ENTREP2: variants seen among roughly 807,000 people sequenced by gnomAD.
The protein encoded by ENTREP2 is endosomal transmembrane epsin interactor 2, also known as protein ENTREP2.
chr15:29,336,141 CA>C, the ENTREP2 span, among the ~76,000 whole-genome samples: 119 of 77,560 alleles, frequency 1.5e-3, 1 homozygote, highest in East Asian at 3.5e-3. Context: ...GACTCCGTCT[CA>C]AAAAAAAAAA....
chr15:29,660,967 C>A, the ENTREP2 span, among the ~76,000 whole-genome samples: 3 of 152,170 alleles, frequency 2.0e-5, no homozygotes, highest in South Asian at 2.1e-4. Context: ...GTCCTGGAAC[C>A]AATCCCCCTC....
the ENTREP2 span, among the ~76,000 whole-genome samples, chr15:29,339,220 C>A: frequency 6.6e-6 from 1 of 152,240 alleles, no homozygotes; most frequent in African/African-American, 2.4e-5. Flanking sequence ...GGCTTTGATG[C>A]CATGGGAGAG....
chr15:29,373,915 A>G, the ENTREP2 span: 1 of 152,244 alleles, frequency 6.6e-6, no homozygotes, highest in Non-Finnish European at 1.5e-5. Flanking sequence ...AGAAAAAAAA[A>G]GGCAGGTTAC....
chr15:29,610,667 C>T, the ENTREP2 span: 1 of 150,294 alleles, frequency 6.7e-6, no homozygotes. Flanking sequence ...CTCCGCAGCT[C>T]ATGGCAAAGA....
chr15:29,671,834 G>A, the ENTREP2 span, among the ~76,000 whole-genome samples: 1 of 152,176 alleles, frequency 6.6e-6, no homozygotes, highest in Non-Finnish European at 1.5e-5. Flanking sequence ...GAGAGGCTGT[G>A]ATCCCCATCA....
the ENTREP2 span, among the ~76,000 whole-genome samples, chr15:29,326,641 C>A: frequency 6.6e-6 from 1 of 152,078 alleles, no homozygotes; most frequent in Non-Finnish European, 1.5e-5. Context: ...CAATTCTTCT[C>A]AACTAGATCT....
the ENTREP2 span, among the ~76,000 whole-genome samples, chr15:29,562,257 G>T: frequency 6.6e-6 from 1 of 152,254 alleles, no homozygotes; most frequent in Non-Finnish European, 1.5e-5. Context: ...ACTTGGTCAG[G>T]TGATGAAATT....
the ENTREP2 span, among the ~76,000 whole-genome samples, chr15:29,653,368 T>C: frequency 1.3e-5 from 2 of 152,220 alleles, no homozygotes; most frequent in East Asian, 3.8e-4. Flanking sequence ...GGATTCCTTT[T>C]TGTTGATTTA....
At chr15:29,526,280 A>G in the ENTREP2 span, among the ~76,000 whole-genome samples, 2 of 152,284 alleles carry the variant, frequency 1.3e-5, no homozygotes, top group Admixed American at 6.5e-5. Context: ...CTCTTGTTAC[A>G]GGGAAAGTGT....
chr15:29,297,224 G>C, the ENTREP2 span, among the ~76,000 whole-genome samples: 1 of 152,100 alleles, frequency 6.6e-6, no homozygotes. Flanking sequence ...ATTCACTAGA[G>C]AATAAGTTTC....
chr15:29,318,830 G>A, the ENTREP2 span, among the ~76,000 whole-genome samples: 19 of 152,192 alleles, frequency 1.2e-4, no homozygotes, highest in Admixed American at 2.0e-4. Context: ...GGTTGGCTTA[G>A]TGCAAAAGAT....
chr15:29,522,689 A>G, the ENTREP2 span, among the ~76,000 whole-genome samples: 1 of 152,186 alleles, frequency 6.6e-6, no homozygotes, highest in Admixed American at 6.5e-5. Context: ...CTGGCAAAAC[A>G]TGGCTGGAGC....
the ENTREP2 span, among the ~76,000 whole-genome samples, chr15:29,153,637 T>C: frequency 4.6e-5 from 7 of 152,298 alleles, no homozygotes; most frequent in East Asian, 1.2e-3. Context: ...GTCCATTATA[T>C]CTGAGTTTTT....
At chr15:29,263,971 G>A in the ENTREP2 span, among the ~76,000 whole-genome samples, 4 of 151,850 alleles carry the variant, frequency 2.6e-5, no homozygotes, top group African/African-American at 7.3e-5. Flanking sequence ...TGGCTAACAC[G>A]GTGAAATCCC....
At chr15:29,302,691 A>G in the ENTREP2 span, among the ~76,000 whole-genome samples, 2 of 152,138 alleles carry the variant, frequency 1.3e-5, no homozygotes, top group African/African-American at 4.8e-5. Context: ...ACGGAAAAAG[A>G]GGGTTGGTGC....
the ENTREP2 span, among the ~76,000 whole-genome samples, chr15:29,263,988 T>C: frequency 2.4e-4 from 37 of 151,866 alleles, no homozygotes; most frequent in African/African-American, 8.5e-4. Context: ...TCCCCGTCTC[T>C]ACTAAAAACA....
At chr15:29,583,750 T>C in the ENTREP2 span, among the ~76,000 whole-genome samples, 8 of 152,234 alleles carry the variant, frequency 5.3e-5, no homozygotes, top group Non-Finnish European at 8.8e-5. Flanking sequence ...TGAAGAATTG[T>C]GTTAATGTGC....
At chr15:29,309,258 A>G in the ENTREP2 span, among the ~76,000 whole-genome samples, 1 of 152,168 alleles carries the variant, frequency 6.6e-6, no homozygotes, top group African/African-American at 2.4e-5. Flanking sequence ...TATCAGAGTA[A>G]TCCCTTTTAA....
chr15:29,474,863 A>G, the ENTREP2 span, among the ~76,000 whole-genome samples: 2 of 152,066 alleles, frequency 1.3e-5, no homozygotes, highest in Non-Finnish European at 2.9e-5. Context: ...GGCCAAGGTC[A>G]TTTCTTCGGG....
Sources: gnomAD v4.1 joint callset for allele counts (sites outside exome capture counted in the v4.1 genomes callset) on GRCh38, gnomAD v4.1.1 for gene constraint, MANE v1.5 for transcripts, NCBI Gene and HGNC (gene_info 2026-07-23, HGNC 2026-07-21) for gene names.